The following GRAMD1B variants were observed in gnomAD, a reference collection of about 807,000 sequenced individuals.
GRAMD1B encodes protein Aster-B.
GRAMD1B carries 37 observed loss-of-function variants against 99.7 expected under a neutral mutation model. The observed-to-expected ratio is 0.37, with a 90% CI of 0.29 to 0.49. GRAMD1B has a LOEUF of 0.49. GRAMD1B is among the 20% of genes least tolerant of loss of function. The pLI, the probability that GRAMD1B is intolerant of heterozygous loss-of-function variation, is 0.98. For missense variants in GRAMD1B, 888 were observed against 1,009.2 expected (o/e 0.88, Z 1.63); for synonymous variants, 427 against 387.6 (o/e 1.10, Z -1.19).
At chr11:123,400,861 G>A (rs1947635265) in intron 1 of GRAMD1B, among the ~76,000 whole-genome samples, 1 of 152,122 alleles carries the variant, frequency 6.6e-6, no homozygotes, top group African/African-American at 2.4e-5. Context: ...TTTCTTTGCT[G>A]AGCAGGGAGC....
intron 1 of GRAMD1B, among the ~76,000 whole-genome samples, chr11:123,391,114 C>A (rs1947262303): frequency 6.6e-6 from 1 of 152,066 alleles, no homozygotes; most frequent in African/African-American, 2.4e-5. Context: ...CAGCTCTGCT[C>A]TTTTTTCACA....
At chr11:123,561,078 G>A (rs1946713197) in intron 2 of GRAMD1B, among the ~76,000 whole-genome samples, 1 of 152,160 alleles carries the variant, frequency 6.6e-6, no homozygotes, top group Non-Finnish European at 1.5e-5. Context: ...CCTGGGGTGG[G>A]CTGGAGAGAC....
chr11:123,550,514 CT>C (rs1467271771), intron 2 of GRAMD1B, among the ~76,000 whole-genome samples: 7 of 152,192 alleles, frequency 4.6e-5, no homozygotes, highest in Non-Finnish European at 2.9e-5. Context: ...GCCGTGAGCC[CT>C]GCTAACTGGC....
chr11:123,387,032 G>A (rs1160105998), intron 1 of GRAMD1B, among the ~76,000 whole-genome samples: 3 of 152,162 alleles, frequency 2.0e-5, no homozygotes, highest in Non-Finnish European at 4.4e-5. Context: ...GTGCCTGTTA[G>A]ACCATGACTG....
At chr11:123,508,830 C>T (rs1433139389) in intron 2 of GRAMD1B, among the ~76,000 whole-genome samples, 1 of 151,972 alleles carries the variant, frequency 6.6e-6, no homozygotes, top group Admixed American at 6.5e-5. Flanking sequence ...GGACTACAGG[C>T]GTGTACCACC....
chr11:123,402,786 C>G (rs866919972), intron 1 of GRAMD1B, among the ~76,000 whole-genome samples: 1 of 152,134 alleles, frequency 6.6e-6, no homozygotes, highest in African/African-American at 2.4e-5. Flanking sequence ...GGTTTTAATA[C>G]TCTCGCTCTC....
chr11:123,364,983 T>C (rs980734132), intron 1 of GRAMD1B, among the ~76,000 whole-genome samples: 6 of 152,234 alleles, frequency 3.9e-5, no homozygotes, highest in African/African-American at 1.4e-4. Flanking sequence ...CTTTGAACTC[T>C]TCATTATTCT....
intron 2 of GRAMD1B, among the ~76,000 whole-genome samples, chr11:123,565,308 G>A (rs1947241485): frequency 6.6e-6 from 1 of 151,826 alleles, no homozygotes; most frequent in Non-Finnish European, 1.5e-5. Context: ...CGAAGTGCTG[G>A]GATTACAGGC....
intron 1 of GRAMD1B, among the ~76,000 whole-genome samples, chr11:123,414,939 C>T (rs931512964): frequency 1.3e-5 from 2 of 152,130 alleles, no homozygotes; most frequent in Non-Finnish European, 2.9e-5. Flanking sequence ...AGAAGATATT[C>T]TCACCTACAC....
intron 2 of GRAMD1B, among the ~76,000 whole-genome samples, chr11:123,561,616 G>A (rs939162774): frequency 5.3e-5 from 8 of 152,172 alleles, no homozygotes; most frequent in African/African-American, 1.2e-4. Flanking sequence ...CTCTGTCCCC[G>A]GGGCCTCAGC....
chr11:123,622,489 G>T lies in GRAMD1B; in HGVS notation c.2545-17G>T. The T allele has an allele frequency of 1.3e-6, 2 of 1,495,654 alleles. No individual in the cohort carries two copies. The highest frequency in any genetic ancestry group is 1.8e-6 in the Non-Finnish European group (2 of 1,095,496). 92.6% of individuals were successfully genotyped at this position (1,495,654 alleles called of 1,614,324 possible). A position where few individuals can be genotyped will look rare whatever the true frequency, so the allele number is the denominator to read the frequency against. ...AAGCGCAGACCCAGGCCTGGGGTGGGGTTTTCTGTCTTGCAGATGAAGGAC... is the reference window on the plus strand; with the variant it reads ...AAGCGCAGACCCAGGCCTGGGGTGGTGTTTTCTGTCTTGCAGATGAAGGAC... On this transcript the variant is annotated splice_polypyrimidine_tract_variant and intron_variant, in intron 19 of 19. Transcript: ENST00000635736.
chr11:123,494,148 C>G (rs1938932947), intron 2 of GRAMD1B, among the ~76,000 whole-genome samples: 1 of 152,196 alleles, frequency 6.6e-6, no homozygotes, highest in Admixed American at 6.5e-5. Flanking sequence ...CATAATCATA[C>G]TTAACTACTT....
chr11:123,553,565 T>G lies in GRAMD1B; in HGVS notation c.453-23802T>G, dbSNP rs534730979. On this transcript the variant is annotated intron_variant, in intron 2 of 19. Transcript: ENST00000635736. ...CCTCACCCTTCAATCTCCTGGCCAT[T>G]TCTTGCTTTAAGTTTTAATTACGTA... 3.9e-5 allele frequency among the ~76,000 whole-genome samples: 6 copies of G among 152,316 alleles called. No individual in the cohort carries two copies. In the South Asian group the frequency reaches 1.2e-3, roughly 32 times the overall value.
At chr11:123,372,279 T>A (rs80020874) in intron 1 of GRAMD1B, among the ~76,000 whole-genome samples, 3,540 of 152,330 alleles carry the variant, frequency 0.023, 142 homozygotes, top group African/African-American at 0.081. Context: ...GAAATACTAA[T>A]AATTAGGATC....
chr11:123,411,462 T>C (rs1948048615), intron 1 of GRAMD1B, among the ~76,000 whole-genome samples: 1 of 152,150 alleles, frequency 6.6e-6, no homozygotes, highest in Non-Finnish European at 1.5e-5. Flanking sequence ...GGAATCCTGG[T>C]AGGTAGAGCT....
At chr11:123,598,041 A>G (rs879124812) in intron 7 of GRAMD1B, 9 of 1,363,228 alleles carry the variant, frequency 6.6e-6, no homozygotes, top group Non-Finnish European at 8.4e-6. Flanking sequence ...GGCTGCCATC[A>G]TTCTGAAGCC....
intron 8 of GRAMD1B, among the ~76,000 whole-genome samples, chr11:123,601,515 A>ATGTGTGTGTGTGTGTGTGTG (rs4063751): frequency 2.0e-5 from 3 of 148,806 alleles, no homozygotes; most frequent in African/African-American, 7.4e-5. Context: ...ATTAATTTTT[A>ATGTGTGTGTGTGTGTGTGTG]TGTGTGTGTG....
chr11:123,545,326 A>C (rs1420736247), intron 2 of GRAMD1B, among the ~76,000 whole-genome samples: 1 of 152,192 alleles, frequency 6.6e-6, no homozygotes, highest in African/African-American at 2.4e-5. Context: ...TCTGGGTTCC[A>C]ATTCCAGAAT....
At chr11:123,393,018 ACACT>A (rs1258278634) in intron 1 of GRAMD1B, among the ~76,000 whole-genome samples, 3 of 152,344 alleles carry the variant, frequency 2.0e-5, no homozygotes, top group Admixed American at 1.3e-4. Context: ...ATGAGGCCAG[ACACT>A]CAGAGAGCTC....
Sources: allele counts gnomAD v4.1 joint callset (sites outside exome capture counted in the v4.1 genomes callset), GRCh38; gene constraint gnomAD v4.1.1; transcripts MANE v1.5; gene names NCBI Gene and HGNC (gene_info 2026-07-23, HGNC 2026-07-21).